Variants in GGA2 observed in about 807,000 individuals in gnomAD.
GGA2 encodes the protein golgi associated, gamma adaptin ear containing, ARF binding protein 2.
In GGA2, 48 loss-of-function variants were observed where a neutral mutation model predicts 79.5. That is an observed-to-expected ratio of 0.60 (90% CI 0.48 to 0.77). The LOEUF (loss-of-function observed/expected upper bound fraction) is 0.77. GGA2 is among the 30% of genes least tolerant of loss of function. GGA2 has a pLI of 0.00. For missense variants in GGA2, 770 were observed against 774.0 expected (o/e 0.99, Z 0.06); for synonymous variants, 317 against 302.0 (o/e 1.05, Z -0.51).
chr16:23,474,345 A>AAGACAAAG (rs1964549928), intron 14 of GGA2, among the ~76,000 whole-genome samples: 1 of 152,158 alleles, frequency 6.6e-6, no homozygotes, highest in Non-Finnish European at 1.5e-5. Flanking sequence ...AATCAGCTAA[A>AAGACAAAG]AGACAAAGAA....
chr16:23,489,261 T>G (rs546994042), intron 5 of GGA2, among the ~76,000 whole-genome samples: 1 of 152,312 alleles, frequency 6.6e-6, no homozygotes, highest in South Asian at 2.1e-4. Context: ...TTGAGACAGA[T>G]TCTTGCTCTG....
At chr16:23,483,119 C>G (rs1964669922) in intron 8 of GGA2, 115 bp from the exon 9 acceptor site, 1 of 698,554 alleles carries the variant, frequency 1.4e-6, no homozygotes, top group Non-Finnish European at 2.6e-6. Flanking sequence ...TTCAGAAGGC[C>G]TCCCAATGGT....
At chr16:23,501,761 CTTT>C (rs1567369402) in intron 1 of GGA2, 1 of 159,364 alleles carries the variant, frequency 6.3e-6, no homozygotes, top group Non-Finnish European at 1.4e-5. Context: ...TTAGGATTTT[CTTT>C]TTTTGTTGTT....
Position 23,465,627 on chromosome 16 carries a change from A to G in GGA2, c.*1963T>C. ...GATGGGTACCTCTTCAAGACTACGC[A>G]ACAGTAACAGAGCCTATAAAAGCTA... On this transcript the variant is annotated 3_prime_UTR_variant, in exon 17 of 17. Coordinates refer to ENST00000309859, the MANE Select transcript of GGA2 (RefSeq NM_015044.4). 1 of 569,702 alleles carries G rather than the reference A, an allele frequency of 1.8e-6. No homozygotes were observed. Among genetic ancestry groups the G allele is most frequent in the Non-Finnish European group, 3.1e-6 (1 of 319,680 alleles). The allele number at this position is 569,702 out of a possible 1,614,324, so 35.3% of individuals were successfully genotyped here.
intron 9 of GGA2, among the ~76,000 whole-genome samples, chr16:23,482,713 C>T (rs769481008): frequency 3.9e-5 from 6 of 152,206 alleles, no homozygotes; most frequent in Non-Finnish European, 2.9e-5. Flanking sequence ...CACTTCTTTT[C>T]AGGCTTTAGA....
At chr16:23,476,417 C>A (rs1285034027) in intron 13 of GGA2, among the ~76,000 whole-genome samples, 2 of 152,162 alleles carry the variant, frequency 1.3e-5, no homozygotes, top group African/African-American at 4.8e-5. Flanking sequence ...AATGTTGTTA[C>A]ATTCACACCT....
intron 1 of GGA2, among the ~76,000 whole-genome samples, chr16:23,499,135 C>T (rs1034952822): frequency 2.9e-5 from 4 of 138,268 alleles, no homozygotes; most frequent in Admixed American, 1.6e-4. Flanking sequence ...ACAGCACTGA[C>T]GGGCACCACC....
Position 23,510,376 on chromosome 16 carries a change from TC to T in GGA2, c.35del (p.Gly12GlufsTer42). ...CCGGGGGACCCTGGGCCGACTCGGT[TC>T]CCGCCACAGCCGCCGCCACCGCGGT... ...AATAVAAAVA[G>X]TESAQGPPGP... On this transcript the variant is annotated frameshift_variant, in exon 1 of 17. Coordinates refer to ENST00000309859, the MANE Select transcript of GGA2 (RefSeq NM_015044.4). LOFTEE classifies it high-confidence loss of function. 7.1e-7 allele frequency: 1 copy of T among 1,413,058 alleles called. No homozygotes were observed. Among genetic ancestry groups the T allele is most frequent in the Non-Finnish European group, 9.2e-7 (1 of 1,082,040 alleles). 87.5% of individuals were successfully genotyped at this position (1,413,058 alleles called of 1,614,324 possible). A position where few individuals can be genotyped will look rare whatever the true frequency, so the allele number is the denominator to read the frequency against.
chr16:23,518,533 C>T (rs1773828191), intron 2 of GGA2, among the ~76,000 whole-genome samples: 1 of 152,160 alleles, frequency 6.6e-6, no homozygotes, highest in South Asian at 2.1e-4. Context: ...AATTTTAGTC[C>T]CCACTAAACA....
At position 23,479,806 on chromosome 16, in the gene GGA2, G is replaced by A; in HGVS notation, c.1088C>T (p.Thr363Ile). The change falls in exon 11 of 17, where the codon ACT becomes ATT. Residue 363 changes from threonine to isoleucine, a missense_variant. Transcript: ENST00000309859. ...EVDNGPAQMG[T>I]VVPSLLHQDL... ...CTGATGAAGCAAAGATGGCACCACA[G>A]TCCCCATCTGCGCAGGTCCATTGTC... The A allele has an allele frequency of 6.2e-7, 1 of 1,614,170 alleles. No individual in the cohort carries two copies.
intron 1 of GGA2, among the ~76,000 whole-genome samples, chr16:23,507,564 G>A (rs186372644): frequency 1.2e-3 from 190 of 152,200 alleles, no homozygotes; most frequent in African/African-American, 4.4e-3. Flanking sequence ...GGAGGCGGAC[G>A]TTGCAGTGAG....
At chr16:23,474,456 C>T (rs1391148971) in intron 14 of GGA2, among the ~76,000 whole-genome samples, 1 of 152,014 alleles carries the variant, frequency 6.6e-6, no homozygotes, top group East Asian at 1.9e-4. Flanking sequence ...CTCCTGGATT[C>T]AAGCAGTTCT....
upstream of GGA2, among the ~76,000 whole-genome samples, chr16:23,514,046 A>C (rs1006864389): frequency 8.5e-5 from 13 of 152,088 alleles, no homozygotes; most frequent in African/African-American, 2.9e-4. Context: ...CCTAAATATA[A>C]AAGTAGACAG....
intron 2 of GGA2, among the ~76,000 whole-genome samples, chr16:23,495,124 A>G (rs1255213886): frequency 6.6e-6 from 1 of 151,816 alleles, no homozygotes; most frequent in African/African-American, 2.4e-5. Flanking sequence ...AAAACAAAAC[A>G]TCTGGATGAC....
intron 1 of GGA2, among the ~76,000 whole-genome samples, chr16:23,506,227 C>T (rs907193100): frequency 7.9e-5 from 12 of 152,160 alleles, no homozygotes; most frequent in African/African-American, 2.9e-4. Context: ...GAGCTTTTGC[C>T]TTCAACTACA....
intron 13 of GGA2, among the ~76,000 whole-genome samples, chr16:23,475,785 C>T (rs111918232): frequency 0.014 from 2,164 of 151,598 alleles, 21 homozygotes; most frequent in South Asian, 0.019. Context: ...AAAAATTAGC[C>T]AGGTGGTGGT....
intron 8 of GGA2, among the ~76,000 whole-genome samples, chr16:23,483,833 G>C (rs991281684): frequency 2.0e-5 from 3 of 151,246 alleles, no homozygotes; most frequent in African/African-American, 7.3e-5. Context: ...TTTTAGTAGA[G>C]ATGGGGTTTC....
At chr16:23,498,582 A>T (rs1964884105) in intron 1 of GGA2, among the ~76,000 whole-genome samples, 1 of 152,224 alleles carries the variant, frequency 6.6e-6, no homozygotes, top group Admixed American at 6.5e-5. Context: ...TTTACAAAAA[A>T]TAAAACAAGG....
At chr16:23,508,628 A>C in intron 1 of GGA2, among the ~76,000 whole-genome samples, 1 of 151,824 alleles carries the variant, frequency 6.6e-6, no homozygotes, top group Non-Finnish European at 1.5e-5. Flanking sequence ...TTCTCTTCCC[A>C]TCTGCCTCTT....
Sources: gnomAD v4.1 joint callset for allele counts (sites outside exome capture counted in the v4.1 genomes callset) on GRCh38, gnomAD v4.1.1 for gene constraint, MANE v1.5 for transcripts, NCBI Gene and HGNC (gene_info 2026-07-23, HGNC 2026-07-21) for gene names.